The following SOX10 variants were observed in gnomAD, a reference collection of about 807,000 sequenced individuals.
SOX10 encodes SRY-box transcription factor 10.
Under a neutral mutation model 35.0 loss-of-function variants are expected in SOX10, and 3 were observed. The observed-to-expected ratio is 0.09, with a 90% CI of 0.04 to 0.22. The LOEUF (loss-of-function observed/expected upper bound fraction) is 0.22. Ranked by LOEUF, SOX10 falls within the 10% of genes least tolerant of loss-of-function variation. The probability of loss-of-function intolerance (pLI) is 1.00; values close to 1 mark genes in which losing one functional copy is unlikely to be tolerated. For synonymous variants in SOX10, 285 were observed against 291.0 expected (o/e 0.98, Z 0.21); for missense variants, 436 against 655.1 (o/e 0.67, Z 3.65).
chr22:37,978,687 T>C lies in SOX10; in HGVS notation c.429-552A>G, dbSNP rs1396147871. The stretch of plus-strand genomic sequence containing the variant: ...GATGATAACATTGGCTTAACTTGGG[T>C]GTGGGATTGGCCAGAATAATGGATG... On this transcript the variant is annotated intron_variant, in intron 2 of 3. Coordinates refer to ENST00000396884, the MANE Select transcript of SOX10 (RefSeq NM_006941.4). The surrounding 1 kb of genome is among the most constrained non-coding windows in gnomAD (Gnocchi z 5.0). 1.3e-5 allele frequency among the ~76,000 whole-genome samples: 2 copies of C among 152,150 alleles called. No individual in the cohort carries two copies. The highest frequency in any genetic ancestry group is 3.8e-4 in the East Asian group (2 of 5,204).
chr22:37,982,701 CTG>C (rs970266107), intron 2 of SOX10, among the ~76,000 whole-genome samples: 11 of 152,046 alleles, frequency 7.2e-5, no homozygotes, highest in South Asian at 2.1e-4. Context: ...CTTGGTGACT[CTG>C]GGGCAGGGCA....
At position 37,978,139 on chromosome 22, in the gene SOX10, G is replaced by A. The variant is rs1384930587; in HGVS notation, c.429-4C>T. On this transcript the variant is annotated splice_polypyrimidine_tract_variant and splice_region_variant and intron_variant, in intron 2 of 3. Transcript: ENST00000396884. This position sits in a 1 kb window ranked among gnomAD's most constrained non-coding sequence, Gnocchi z 5.0. ...CTTGTCACTTTCGTTCAGCAGCCTGGGGTGTGGTGGGAGGCGGAGAGGACA... is the reference window on the plus strand; with the variant it reads ...CTTGTCACTTTCGTTCAGCAGCCTGAGGTGTGGTGGGAGGCGGAGAGGACA... 2 of 1,554,748 alleles carry A rather than the reference G, an allele frequency of 1.3e-6. No individual in the cohort carries two copies. Among genetic ancestry groups the A allele is most frequent in the Middle Eastern group, 1.7e-4 (1 of 5,888 alleles).
chr22:37,977,194 G>A (rs1932246365), intron 3 of SOX10, among the ~76,000 whole-genome samples: 1 of 151,288 alleles, frequency 6.6e-6, no homozygotes, highest in Non-Finnish European at 1.5e-5. Context: ...AGAATGGCTG[G>A]TGGGAAAGAG....
intron 2 of SOX10, among the ~76,000 whole-genome samples, chr22:37,979,531 T>C (rs2145771214): frequency 6.6e-6 from 1 of 152,050 alleles, no homozygotes; most frequent in East Asian, 1.9e-4. Context: ...GGCTCCTCTT[T>C]ACCATGGGTC....
intron 3 of SOX10, among the ~76,000 whole-genome samples, chr22:37,976,853 T>C (rs905640699): frequency 2.6e-5 from 4 of 152,176 alleles, no homozygotes; most frequent in Non-Finnish European, 5.9e-5. Context: ...AGATAGCTTA[T>C]GTCTGGCCCA....
chr22:37,977,800 C>T, intron 3 of SOX10, 67 bp downstream of exon 3: 1 of 1,520,726 alleles, frequency 6.6e-7, no homozygotes, highest in Non-Finnish European at 8.9e-7. Flanking sequence ...GTCTCATTGC[C>T]ATCCAGCCAT....
intron 2 of SOX10, among the ~76,000 whole-genome samples, chr22:37,979,150 T>C (rs1264706979): frequency 1.3e-5 from 2 of 151,586 alleles, no homozygotes; most frequent in East Asian, 3.9e-4. Flanking sequence ...CAGGCTGGAG[T>C]GCCGTGATGC....
chr22:37,973,977 G>C lies in SOX10; in HGVS notation c.919C>G (p.Pro307Ala). The change falls in exon 4 of 4, where the codon CCA (proline) becomes GCA (alanine). Residue 307 changes from proline to alanine, a missense_variant. By Grantham distance (27) the Pro-to-Ala change is conservative. Coordinates refer to ENST00000396884, the MANE Select transcript of SOX10 (RefSeq NM_006941.4). ...GCTGAGTAGCTGCTCACATGGCCTGGGTGCCCATTGGGCGGCAGGTACTGG... is the reference window on the plus strand; with the variant it reads ...GCTGAGTAGCTGCTCACATGGCCTGCGTGCCCATTGGGCGGCAGGTACTGG... ...LDQYLPPNGH[P>A]GHVSSYSAAG... is the part of the protein sequence containing the mutation. 6.2e-7 allele frequency: 1 copy of C among 1,612,452 alleles called. No homozygotes were observed. Among genetic ancestry groups the C allele is most frequent in the Non-Finnish European group, 8.5e-7 (1 of 1,179,924 alleles).
In SOX10 at chr22:37,973,584, C is replaced by T. The variant is rs760909228; in HGVS notation, c.1312G>A (p.Ala438Thr). The T allele has an allele frequency of 1.9e-6, 3 of 1,613,074 alleles. No individual in the cohort carries two copies. Among genetic ancestry groups the T allele is most frequent in the Non-Finnish European group, 2.5e-6 (3 of 1,179,712 alleles). Residue 438 changes from alanine (A) to threonine (T), a missense_variant, in exon 4 of 4, where the codon GCC becomes ACC. Coordinates refer to ENST00000396884, the MANE Select transcript of SOX10 (RefSeq NM_006941.4). ...CCTGAGGGGCTGGGGTCAGAGATGG[C>T]CGTGTAGAGGGGCCGCTGCGAGGGC... ...MGPSQRPLYT[A>T]ISDPSPSGPQ... is the part of the protein sequence containing the mutation.
rs111654773 is a variant in SOX10 at position 37,974,414 on chromosome 22, G to A, written c.698-216C>T. On this transcript the variant is annotated intron_variant, in intron 3 of 3. Transcript: ENST00000396884. This position sits in a 1 kb window ranked among gnomAD's most constrained non-coding sequence, Gnocchi z 5.4. ...GTTGCCCAGACTGGAGTGCAGTGGC[G>A]CCATCTCGGCTCACTGCAACCTCTG... 0.04 allele frequency among the ~76,000 whole-genome samples: 6,021 copies of A among 151,020 alleles called. 404 individuals are homozygous for A. The highest frequency in any genetic ancestry group is 0.14 in the African/African-American group (5,726 of 40,818).
Position 37,983,512 on chromosome 22 carries a change from G to T in SOX10, c.273C>A (p.Pro91=), listed in dbSNP as rs779380887. 1 of 1,610,232 alleles carries T rather than the reference G, an allele frequency of 6.2e-7. No individual in the cohort carries two copies. Among genetic ancestry groups the T allele is most frequent in the Admixed American group, 1.7e-5 (1 of 59,652 alleles). The stretch of plus-strand genomic sequence containing the variant: ...TTTTGCTGGCGCCGTTGACGCGCAC[G>T]GGCATGGGCACCAGCGTCCAGTCGT... ...SGYDWTLVPM[P]VRVNGASKSK... The change falls in exon 2 of 4, where the codon CCC becomes CCA. Residue 91 remains proline (P), a synonymous_variant. Transcript: ENST00000396884. The surrounding 1 kb of genome is among the most constrained non-coding windows in gnomAD (Gnocchi z 9.5).
chr22:37,978,426 TAGG>T lies in SOX10; in HGVS notation c.429-294_429-292del, dbSNP rs1932292485. ...GCAGCCCCTGAGGAGGAGTTAGAAGTAGGAGTAGAGGTTTCAAGGGGCAGATGC... is the reference window on the plus strand; with the variant it reads ...GCAGCCCCTGAGGAGGAGTTAGAAGTAGTAGAGGTTTCAAGGGGCAGATGC... On this transcript the variant is annotated intron_variant, in intron 2 of 3. Coordinates refer to ENST00000396884, the MANE Select transcript of SOX10 (RefSeq NM_006941.4). The surrounding 1 kb of genome is among the most constrained non-coding windows in gnomAD (Gnocchi z 5.0). 1.3e-5 allele frequency among the ~76,000 whole-genome samples: 2 copies of T among 152,152 alleles called. No homozygotes were observed. Among genetic ancestry groups the T allele is most frequent in the Non-Finnish European group, 2.9e-5 (2 of 67,980 alleles).
rs769251630 is a variant in SOX10 at position 37,973,564 on chromosome 22, G to A, written c.1332C>T (p.Pro444=). The change falls in exon 4 of 4, where the codon CCC becomes CCT. Residue 444 remains proline (P), a synonymous_variant. Coordinates refer to ENST00000396884, the MANE Select transcript of SOX10 (RefSeq NM_006941.4). ...PLYTAISDPS[P]SGPQSHSPTH... is the part of the protein sequence containing the mutation. ...TGGGGCTGTGGGACTGGGGCCCTGA[G>A]GGGCTGGGGTCAGAGATGGCCGTGT... is the stretch of plus-strand genomic sequence containing the variant. 6.2e-7 allele frequency: 1 copy of A among 1,612,820 alleles called. No homozygotes were observed. The highest frequency in any genetic ancestry group is 2.2e-5 in the East Asian group (1 of 44,876).
At chr22:37,975,619 C>T (rs1425671517) in intron 3 of SOX10, among the ~76,000 whole-genome samples, 2 of 152,174 alleles carry the variant, frequency 1.3e-5, no homozygotes, top group African/African-American at 4.8e-5. Context: ...GCCTGTGCCT[C>T]CTTCATCAGA....
intron 2 of SOX10, among the ~76,000 whole-genome samples, chr22:37,982,526 A>G (rs1388600942): frequency 6.6e-6 from 1 of 152,048 alleles, no homozygotes; most frequent in Non-Finnish European, 1.5e-5. Flanking sequence ...GTCCCAGGGA[A>G]CCTGGGACTC....
chr22:37,975,229 C>T (rs1380844921), intron 3 of SOX10, among the ~76,000 whole-genome samples: 1 of 152,164 alleles, frequency 6.6e-6, no homozygotes, highest in Non-Finnish European at 1.5e-5. Context: ...GATCCCTGTT[C>T]CCAAAAGCTC....
rs994294710 is a variant in SOX10 at position 37,980,349 on chromosome 22, A to C, written c.429-2214T>G. 6.6e-6 allele frequency among the ~76,000 whole-genome samples: 1 copy of C among 151,962 alleles called. No homozygotes were observed. Among genetic ancestry groups the C allele is most frequent in the Non-Finnish European group, 1.5e-5 (1 of 67,958 alleles). On this transcript the variant is annotated intron_variant, in intron 2 of 3. Transcript: ENST00000396884. The surrounding 1 kb of genome is among the most constrained non-coding windows in gnomAD (Gnocchi z 4.1). ...CATGGGACACAGAGCTCACTCTTTC[A>C]CCTATCCTTCCCTTGCCCCCTGCCC...
rs1159728570 is a variant in SOX10 at position 37,980,153 on chromosome 22, G to A, written c.429-2018C>T. Among the ~76,000 whole-genome samples, 2 of 152,136 alleles carry A rather than the reference G, an allele frequency of 1.3e-5. No homozygotes were observed. The highest frequency in any genetic ancestry group is 2.9e-5 in the Non-Finnish European group (2 of 68,018). ...GTACACACTTAGGACAAAGATGCCG[G>A]AGCAGGGCCTTGAGAGTCAGGGAGT... On this transcript the variant is annotated intron_variant, in intron 2 of 3. Coordinates refer to ENST00000396884, the MANE Select transcript of SOX10 (RefSeq NM_006941.4). The surrounding 1 kb of genome is among the most constrained non-coding windows in gnomAD (Gnocchi z 4.1).
chr22:37,982,546 C>G (rs1932432588), intron 2 of SOX10, among the ~76,000 whole-genome samples: 1 of 152,168 alleles, frequency 6.6e-6, no homozygotes, highest in Admixed American at 6.5e-5. Context: ...CTGAGGGCCC[C>G]TGGGCAGGAA....
Sources: gnomAD v4.1 joint callset for allele counts (sites outside exome capture counted in the v4.1 genomes callset) on GRCh38, gnomAD v4.1.1 for gene constraint, Gnocchi (gnomAD v3.1) non-coding constraint, MANE v1.5 for transcripts, NCBI Gene and HGNC (gene_info 2026-07-23, HGNC 2026-07-21) for gene names.